Variants in TMC5 observed in about 807,000 individuals in gnomAD.
TMC5 encodes transmembrane channel-like protein 5.
In TMC5, 86 loss-of-function variants were observed where a neutral mutation model predicts 110.5. The observed-to-expected ratio is 0.78, with a 90% confidence interval of 0.65 to 0.93. TMC5 has a LOEUF of 0.93. Among genes scored for constraint, TMC5 ranks in the 40% least tolerant of loss-of-function variants. The pLI, the probability that TMC5 is intolerant of heterozygous loss-of-function variation, is 0.00. For missense variants in TMC5, 1,144 were observed against 1,222.8 expected (o/e 0.94, Z 0.96); for synonymous variants, 455 against 439.5 (o/e 1.04, Z -0.44).
chr16:19,448,892 C>T (rs1173501202), intron 4 of TMC5, among the ~76,000 whole-genome samples: 5 of 136,000 alleles, frequency 3.7e-5, no homozygotes, highest in South Asian at 2.2e-4. Flanking sequence ...GTCAGAGTCT[C>T]GCTCTGTTGC....
rs773122425 is a variant in TMC5 at position 19,479,569 on chromosome 16, GTAAACAGA to G, written c.2267+42_2267+49del. On this transcript the variant is annotated intron_variant, in intron 14 of 21. Transcript: ENST00000542583. ...TCTTAAGTAATTAGGGCCTGATGCTGTAAACAGAACCTGATTCCTGGCTGAGTGGGACA... is the reference window on the plus strand; with the variant it reads ...TCTTAAGTAATTAGGGCCTGATGCTGACCTGATTCCTGGCTGAGTGGGACA... The G allele has an allele frequency of 4.1e-5, 58 of 1,414,966 alleles. 2 individuals carry two copies. The highest frequency in any genetic ancestry group is 3.2e-4 in the East Asian group (14 of 43,948). The allele number at this position is 1,414,966 out of a possible 1,614,324, so 87.7% of individuals were successfully genotyped here. A position where few individuals can be genotyped will look rare whatever the true frequency, so the allele number is the denominator to read the frequency against.
chr16:19,426,848 G>A (rs957550193), intron 1 of TMC5, among the ~76,000 whole-genome samples: 3 of 152,036 alleles, frequency 2.0e-5, no homozygotes, highest in Non-Finnish European at 4.4e-5. Context: ...CTGATCTGCA[G>A]TGATTCTTAA....
In TMC5 at chr16:19,440,137, A is replaced by G. The variant is rs768758236; in HGVS notation, c.99A>G (p.Gln33=). 1.9e-5 allele frequency: 30 copies of G among 1,614,052 alleles called. No individual in the cohort carries two copies. Among genetic ancestry groups the G allele is most frequent in the Admixed American group, 3.3e-5 (2 of 59,984 alleles). Residue 33 remains glutamine (Q), a synonymous_variant, in exon 3 of 22, where the codon CAA becomes CAG. Coordinates refer to ENST00000542583, the MANE Select transcript of TMC5 (RefSeq NM_001261841.2). The stretch of plus-strand genomic sequence containing the variant: ...GTACGCAGGGGTATTTGAAAACTCA[A>G]GGTTATCCAGATGTTCCAGGTCCTC... ...QNRTQGYLKT[Q]GYPDVPGPLN...
intron 6 of TMC5, among the ~76,000 whole-genome samples, chr16:19,462,829 C>A (rs1968059578): frequency 6.7e-6 from 1 of 149,462 alleles, no homozygotes; most frequent in Admixed American, 6.8e-5. Flanking sequence ...ACCTGGGAGG[C>A]AGAGGCTGCA....
At chr16:19,448,769 A>T (rs1967679011) in intron 4 of TMC5, among the ~76,000 whole-genome samples, 1 of 143,000 alleles carries the variant, frequency 7.0e-6, no homozygotes, top group Non-Finnish European at 1.5e-5. Context: ...GTAACATATA[A>T]AAATAAATAT....
At chr16:19,461,389 C>T (rs1391933517) in intron 6 of TMC5, among the ~76,000 whole-genome samples, 1 of 152,052 alleles carries the variant, frequency 6.6e-6, no homozygotes, top group African/African-American at 2.4e-5. Flanking sequence ...GCCTGGCCAA[C>T]ATGGTGAAAC....
Position 19,450,903 on chromosome 16 carries a change from A to G in TMC5, c.1048+1272A>G, listed in dbSNP as rs558012473. On this transcript the variant is annotated intron_variant, in intron 5 of 21. Coordinates refer to ENST00000542583, the MANE Select transcript of TMC5 (RefSeq NM_001261841.2). ...GTGAAAGATAGAAGGCGCTGCAATC[A>G]GTTAGGAAGCTCTCTAAGGATCACT... Among the ~76,000 whole-genome samples the G allele has an allele frequency of 2.6e-5, 4 of 152,330 alleles. No individual in the cohort carries two copies. The East Asian group carries it at 7.7e-4, about 29-fold the overall frequency.
intron 6 of TMC5, 37 bp downstream of exon 6, chr16:19,460,371 A>G: frequency 7.0e-7 from 1 of 1,428,648 alleles, no homozygotes. Flanking sequence ...CTCAGATTTC[A>G]TGCGAACCTC....
At chr16:19,424,837 T>A (rs1170509106) in intron 1 of TMC5, among the ~76,000 whole-genome samples, 1 of 152,188 alleles carries the variant, frequency 6.6e-6, no homozygotes. Flanking sequence ...TTTATGGAGG[T>A]TCCATTGATT....
rs1364745622 is a variant in TMC5 at position 19,490,437 on chromosome 16, T to C, written c.2616T>C (p.Pro872=). 1 of 1,614,036 alleles carries C rather than the reference T, an allele frequency of 6.2e-7. No individual in the cohort carries two copies. Among genetic ancestry groups the C allele is most frequent in the Non-Finnish European group, 8.5e-7 (1 of 1,180,040 alleles). ...ACTGTGGCCCTTTTCGAGGTCTGCC[T>C]CTCTTCATTCACTCCATCTACAGCT... The part of the protein sequence containing the change: ...SADCGPFRGL[P]LFIHSIYSWI... The change falls in exon 18 of 22, where the codon CCT becomes CCC. Residue 872 remains proline (P), a synonymous_variant. Coordinates refer to ENST00000542583, the MANE Select transcript of TMC5 (RefSeq NM_001261841.2).
intron 1 of TMC5, among the ~76,000 whole-genome samples, chr16:19,426,738 A>AT (rs1387596418): frequency 6.6e-6 from 1 of 152,170 alleles, no homozygotes; most frequent in Non-Finnish European, 1.5e-5. Context: ...ATCTTAAAAC[A>AT]TTTTTTATTG....
chr16:19,494,546 C>A (rs925669183), intron 20 of TMC5, among the ~76,000 whole-genome samples, 180 bp downstream of exon 20: 1 of 152,180 alleles, frequency 6.6e-6, no homozygotes, highest in Non-Finnish European at 1.5e-5. Flanking sequence ...CAGTGGCTCA[C>A]GCCTGTAATC....
rs865977677 is a variant in TMC5, at chr16:19,466,138, G to A, written c.1542G>A (p.Gln514=). ...YYGFYTNSTI[Q]HGNSGASYNM... is the part of the protein sequence containing the mutation. Reference sequence around the variant, plus strand: ...GCTTTTACACCAATTCCACCATCCAGCACGGGAACAGCGGGGCATCCTACA... The same window carrying A: ...GCTTTTACACCAATTCCACCATCCAACACGGGAACAGCGGGGCATCCTACA... The change falls in exon 9 of 22, where the codon CAG becomes CAA. Residue 514 remains glutamine (Q), a synonymous_variant. Transcript: ENST00000542583. 1 of 1,614,066 alleles carries A rather than the reference G, an allele frequency of 6.2e-7. No homozygotes were observed. The highest frequency in any genetic ancestry group is 1.1e-5 in the South Asian group (1 of 91,084).
chr16:19,451,474 T>C (rs539406345), intron 5 of TMC5, among the ~76,000 whole-genome samples: 3 of 152,272 alleles, frequency 2.0e-5, no homozygotes, highest in Non-Finnish European at 4.4e-5. Context: ...AGAATAAATA[T>C]GTTTAAATGT....
chr16:19,460,556 T>C (rs1188198446), intron 6 of TMC5, among the ~76,000 whole-genome samples: 2 of 152,304 alleles, frequency 1.3e-5, no homozygotes. Flanking sequence ...GGTGAGCTGC[T>C]TTCCAAAGAG....
At chr16:19,422,004 G>A (rs1041517399) in intron 1 of TMC5, among the ~76,000 whole-genome samples, 1 of 152,124 alleles carries the variant, frequency 6.6e-6, no homozygotes, top group South Asian at 2.1e-4. Flanking sequence ...GCCGAGGTGG[G>A]CGGATCACGA....
chr16:19,444,113 C>G lies in TMC5; in HGVS notation c.821C>G (p.Ser274Ter). The G allele has an allele frequency of 6.2e-7, 1 of 1,614,132 alleles. No individual in the cohort carries two copies. Among genetic ancestry groups the G allele is most frequent in the African/African-American group, 1.3e-5 (1 of 75,044 alleles). ...AGCAGAACATCTTCAATCCAGCCCT[C>G]ATTTCGTCACAGGAGTGATGACCCC... The part of the protein sequence containing the change: ...VLSRTSSIQP[S>*]FRHRSDDPVG... Residue 274 changes from serine to a stop codon, truncating the protein, a stop_gained, in exon 4 of 22, where the codon TCA becomes TGA. Coordinates refer to ENST00000542583, the MANE Select transcript of TMC5 (RefSeq NM_001261841.2). LOFTEE classifies it high-confidence loss of function.
chr16:19,458,956 T>C (rs1967953512), intron 5 of TMC5, among the ~76,000 whole-genome samples: 5 of 152,136 alleles, frequency 3.3e-5, no homozygotes, highest in Admixed American at 2.6e-4. Flanking sequence ...CTGGCTTCTT[T>C]GCTACAGGAT....
chr16:19,490,559 T>C lies in TMC5; in HGVS notation c.2738T>C (p.Leu913Pro). ...GTGCACTTCTTTTTCATCCTCACCC[T>C]CATTGTGCTGTGAGTGTGGTACCCG... ...GSVHFFFILT[L>P]IVLIITYLYW... Residue 913 changes from leucine to proline, a missense_variant, in exon 18 of 22, where the codon CTC becomes CCC. Leu to Pro is a moderately conservative substitution (Grantham distance 98, BLOSUM62 -3). Coordinates refer to ENST00000542583, the MANE Select transcript of TMC5 (RefSeq NM_001261841.2). 1.9e-6 allele frequency: 3 copies of C among 1,614,036 alleles called. No individual in the cohort carries two copies. Among genetic ancestry groups the C allele is most frequent in the Non-Finnish European group, 2.5e-6 (3 of 1,179,986 alleles).
Sources: allele counts gnomAD v4.1 joint callset (sites outside exome capture counted in the v4.1 genomes callset), GRCh38; gene constraint gnomAD v4.1.1; transcripts MANE v1.5; gene names NCBI Gene and HGNC (gene_info 2026-07-23, HGNC 2026-07-21).